Variants in SLC5A9 observed in about 807,000 individuals in gnomAD.
The protein encoded by SLC5A9 is sodium/glucose cotransporter 4.
SLC5A9 carries 59 observed loss-of-function variants against 70.9 expected under a neutral mutation model. The observed-to-expected ratio is 0.83, with a 90% CI of 0.68 to 1.03. SLC5A9 has a LOEUF of 1.03. SLC5A9 is among the 50% of genes least tolerant of loss of function. SLC5A9 has a pLI of 0.00. For synonymous variants in SLC5A9, 340 were observed against 346.5 expected, an observed-to-expected ratio of 0.98 and a Z score of 0.21; for missense variants, 832 against 881.1, an observed-to-expected ratio of 0.94 and a Z score of 0.71.
chr1:48,237,403 A>G (rs1334816165), intron 10 of SLC5A9, among the ~76,000 whole-genome samples: 2 of 151,934 alleles, frequency 1.3e-5, no homozygotes, highest in East Asian at 3.9e-4. Context: ...TTGAACAGCA[A>G]CAGGTGGGTG....
In SLC5A9 at chr1:48,242,633, C is replaced by T. The variant is rs780989761; in HGVS notation, c.1837+17C>T. ...AGCCTGAAGGTAGGCTGCGGCAGGC[C>T]GGGGGATACTCATCACAGAGGAACA... On this transcript the variant is annotated intron_variant, in intron 13 of 13. Coordinates refer to ENST00000438567, the MANE Select transcript of SLC5A9 (RefSeq NM_001011547.3). 2.4e-5 allele frequency: 39 copies of T among 1,594,710 alleles called. No individual in the cohort carries two copies. Among genetic ancestry groups the T allele is most frequent in the African/African-American group, 5.4e-5 (4 of 74,434 alleles).
chr1:48,247,548 A>G lies in SLC5A9; in HGVS notation c.*5A>G. ...CTCTGGGGCTATTTTGCGTGATTCC[A>G]CAGACCTGGCTTCAGTGTAGACAGA... On this transcript the variant is annotated 3_prime_UTR_variant, in exon 14 of 14. Transcript: ENST00000438567. The G allele has an allele frequency of 6.2e-7, 1 of 1,614,078 alleles. No individual in the cohort carries two copies.
At position 48,244,881 on chromosome 1, in the gene SLC5A9, T is replaced by C. The variant is rs111543815; in HGVS notation, c.1837+2265T>C. Among the ~76,000 whole-genome samples, 60 of 71,570 alleles carry C rather than the reference T, an allele frequency of 8.4e-4. 3 individuals carry two copies. Among genetic ancestry groups the C allele is most frequent in the African/African-American group, 3.4e-3 (58 of 17,016 alleles). The allele number at this position is 71,570 out of a possible 152,430, so 47.0% of individuals were successfully genotyped here. A position where few individuals can be genotyped will look rare whatever the true frequency, so the allele number is the denominator to read the frequency against. On this transcript the variant is annotated intron_variant, in intron 13 of 13. Transcript: ENST00000438567. ...GTGTGTGTATGTATGTGTATGTGTA[T>C]ATATATATATATATATATATATATA...
At position 48,247,579 on chromosome 1, in the gene SLC5A9, C is replaced by G. The variant is rs758498837; in HGVS notation, c.*36C>G. 3 of 1,599,298 alleles carry G rather than the reference C, an allele frequency of 1.9e-6. No individual in the cohort carries two copies. The highest frequency in any genetic ancestry group is 2.2e-5 in the South Asian group (2 of 90,826). Reference sequence around the variant, plus strand: ...CTGGCTTCAGTGTAGACAGATTAAACAAAGCCCAAGCCTGTCAGCCACAGA... The same window carrying G: ...CTGGCTTCAGTGTAGACAGATTAAAGAAAGCCCAAGCCTGTCAGCCACAGA... On this transcript the variant is annotated 3_prime_UTR_variant, in exon 14 of 14. Transcript: ENST00000438567.
intron 2 of SLC5A9, among the ~76,000 whole-genome samples, chr1:48,226,270 A>G (rs1415248035): frequency 6.6e-6 from 1 of 152,224 alleles, no homozygotes; most frequent in Non-Finnish European, 1.5e-5. Flanking sequence ...AGGACAGAGC[A>G]GGTTCCTCTG....
intron 13 of SLC5A9, among the ~76,000 whole-genome samples, chr1:48,246,385 C>T (rs562135034): frequency 6.6e-6 from 1 of 152,194 alleles, no homozygotes; most frequent in Admixed American, 6.5e-5. Flanking sequence ...ATCTCTGACA[C>T]CCTGTGTATT....
chr1:48,229,149 C>T (rs1388253589), intron 3 of SLC5A9, 146 bp from the exon 4 acceptor site: 1 of 1,613,832 alleles, frequency 6.2e-7, no homozygotes, highest in Non-Finnish European at 8.5e-7. Flanking sequence ...CATCCAAGGT[C>T]ACACGGGAGG....
At position 48,232,050 on chromosome 1, in the gene SLC5A9, G is replaced by A. The variant is rs1569835093; in HGVS notation, c.796G>A (p.Ala266Thr). 1.2e-6 allele frequency: 2 copies of A among 1,614,186 alleles called. No homozygotes were observed. The highest frequency in any genetic ancestry group is 1.7e-6 in the Non-Finnish European group (2 of 1,180,020). The change falls in exon 7 of 14, where the codon GCT (alanine) becomes ACT (threonine). Residue 266 changes from alanine (A) to threonine (T), a missense_variant. Transcript: ENST00000438567. ...CACCTGTCACCTCCCACGGCCCGATGCTTTCCACATTCTTCGGGACCCTGT... is the reference window on the plus strand; with the variant it reads ...CACCTGTCACCTCCCACGGCCCGATACTTTCCACATTCTTCGGGACCCTGT... Reference protein sequence around the residue: ...NTTCHLPRPDAFHILRDPVSG... With the variant: ...NTTCHLPRPDTFHILRDPVSG...
At chr1:48,224,520 C>T (rs1465060817) in intron 1 of SLC5A9, among the ~76,000 whole-genome samples, 2 of 152,144 alleles carry the variant, frequency 1.3e-5, no homozygotes, top group African/African-American at 4.8e-5. Flanking sequence ...AGATGAATGG[C>T]GAGGCTCACA....
At chr1:48,227,083 G>T (rs1644159288) in intron 2 of SLC5A9, among the ~76,000 whole-genome samples, 1 of 152,112 alleles carries the variant, frequency 6.6e-6, no homozygotes, top group Non-Finnish European at 1.5e-5. Flanking sequence ...GTGCATACCT[G>T]TGCGTGTGAG....
chr1:48,231,834 C>T lies in SLC5A9; in HGVS notation c.692-112C>T. 3 of 1,554,724 alleles carry T rather than the reference C, an allele frequency of 1.9e-6. No individual in the cohort carries two copies. The South Asian group carries it at 3.7e-5, about 19-fold the overall frequency. On this transcript the variant is annotated intron_variant, in intron 6 of 13. Coordinates refer to ENST00000438567, the MANE Select transcript of SLC5A9 (RefSeq NM_001011547.3). Reference sequence around the variant, plus strand: ...CAAGCCCCATCTTCCTCCTTCACCCCCAATCCCCATGCCAGTTCCAACCTG... The same window carrying T: ...CAAGCCCCATCTTCCTCCTTCACCCTCAATCCCCATGCCAGTTCCAACCTG...
chr1:48,230,552 A>G, intron 4 of SLC5A9, 48 bp from the exon 5 acceptor site: 1 of 1,356,146 alleles, frequency 7.4e-7, no homozygotes, highest in Non-Finnish European at 1.1e-6. Context: ...ATACAACCCT[A>G]CTGAGGGCCT....
In SLC5A9 at chr1:48,239,572, A is replaced by T; in HGVS notation, c.1677+35A>T. 1 of 1,584,738 alleles carries T rather than the reference A, an allele frequency of 6.3e-7. No individual in the cohort carries two copies. Among genetic ancestry groups the T allele is most frequent in the Non-Finnish European group, 8.7e-7 (1 of 1,153,448 alleles). On this transcript the variant is annotated intron_variant, in intron 12 of 13. Coordinates refer to ENST00000438567, the MANE Select transcript of SLC5A9 (RefSeq NM_001011547.3). This position sits in a 1 kb window ranked among gnomAD's most constrained non-coding sequence, Gnocchi z 4.2. ...GTGCTCATACTGAGGCCCTCCAGAA[A>T]TGCTCTCCCTTCCCCCATAGCCTAG...
Position 48,227,341 on chromosome 1 carries a change from AGAGT to A in SLC5A9, c.235-1507_235-1504del, listed in dbSNP as rs372068504. On this transcript the variant is annotated intron_variant, in intron 2 of 13. Transcript: ENST00000438567. ...GTGGGCGTGAGTGCATGTGTGTGTC[AGAGT>A]GTGTGTGTACTGTGCCTGTGTGTGA... 0.013 allele frequency among the ~76,000 whole-genome samples: 1,485 copies of A among 110,130 alleles called. 78 individuals carry two copies. In the East Asian group the frequency reaches 0.16, roughly 12 times the overall value. The allele number at this position is 110,130 out of a possible 152,430, so 72.2% of individuals were successfully genotyped here.
intron 12 of SLC5A9, among the ~76,000 whole-genome samples, chr1:48,240,182 GAGATCAAGGTGTCTGC>G (rs1644376017): frequency 2.0e-5 from 3 of 152,198 alleles, no homozygotes; most frequent in Admixed American, 6.5e-5. Flanking sequence ...TGAGAAGTCT[GAGATCAAGGTGTCTGC>G]AGCATTGGTT....
chr1:48,247,659 TG>T lies in SLC5A9; in HGVS notation c.*117del. ...AACTGGAGATCACAGAAGTCAAGAC[TG>T]CAAGCTCCCCTGAAGAGAATCCAAC... On this transcript the variant is annotated 3_prime_UTR_variant, in exon 14 of 14. Transcript: ENST00000438567. The T allele has an allele frequency of 1.0e-6, 1 of 1,002,128 alleles. No homozygotes were observed. 62.1% of individuals were successfully genotyped at this position (1,002,128 alleles called of 1,614,324 possible).
At chr1:48,228,789 C>T (rs528971930) in intron 2 of SLC5A9, 61 bp from the exon 3 acceptor site, 94 of 1,594,832 alleles carry the variant, frequency 5.9e-5, no homozygotes, top group Non-Finnish European at 6.9e-5. Context: ...TCATGGTCCT[C>T]GCTCCAGATT....
chr1:48,241,702 T>TTCTCTCTC (rs61544545), intron 12 of SLC5A9, among the ~76,000 whole-genome samples: 6 of 149,484 alleles, frequency 4.0e-5, no homozygotes, highest in Middle Eastern at 3.4e-3. Flanking sequence ...TGTGTACATG[T>TTCTCTCTC]TCTCTCTCTC....
chr1:48,235,054 TC>T (rs1054017872), intron 9 of SLC5A9, among the ~76,000 whole-genome samples: 10 of 151,978 alleles, frequency 6.6e-5, no homozygotes, highest in Non-Finnish European at 1.0e-4. Context: ...TGGGATCATC[TC>T]CCCAGGGGTG....
Sources: allele counts gnomAD v4.1 joint callset (sites outside exome capture counted in the v4.1 genomes callset), GRCh38; gene constraint gnomAD v4.1.1; non-coding constraint Gnocchi (gnomAD v3.1); transcripts MANE v1.5; gene names NCBI Gene and HGNC (gene_info 2026-07-23, HGNC 2026-07-21).